PPM1H: variants seen among roughly 807,000 people sequenced by gnomAD.
The protein encoded by PPM1H is protein phosphatase 1H.
PPM1H carries 27 observed loss-of-function variants against 54.9 expected under a neutral mutation model. The ratio of observed to expected loss-of-function variants is 0.49; its 90% CI spans 0.36 to 0.68. The LOEUF (loss-of-function observed/expected upper bound fraction) is 0.68. Among genes scored for constraint, PPM1H ranks in the 30% least tolerant of loss-of-function variants. PPM1H has a pLI of 0.00. For missense variants in PPM1H, 596 were observed against 667.8 expected (o/e 0.89, Z 1.19); for synonymous variants, 305 against 270.8 (o/e 1.13, Z -1.24).
chr12:62,667,774 G>T (rs2075928268), intron 8 of PPM1H, among the ~76,000 whole-genome samples: 1 of 152,158 alleles, frequency 6.6e-6, no homozygotes, highest in African/African-American at 2.4e-5. Context: ...TGATTTTTCT[G>T]CTTCAGAGGA....
In PPM1H at chr12:62,934,758, A is replaced by C. The variant is rs1872270298; in HGVS notation, c.-22T>G. On this transcript the variant is annotated 5_prime_UTR_variant, in exon 1 of 10. Coordinates refer to ENST00000228705, the MANE Select transcript of PPM1H (RefSeq NM_020700.2). This position sits in a 1 kb window ranked among gnomAD's most constrained non-coding sequence, Gnocchi z 4.2. ...GCATATTACTCCGGCGCCCGGCTGC[A>C]GCGGTGCGAGCAGGAGGCGGCGGGG... 2 of 1,503,110 alleles carry C rather than the reference A, an allele frequency of 1.3e-6. No individual in the cohort carries two copies. Among genetic ancestry groups the C allele is most frequent in the Non-Finnish European group, 1.8e-6 (2 of 1,121,556 alleles). The allele number at this position is 1,503,110 out of a possible 1,614,324, so 93.1% of individuals were successfully genotyped here.
At chr12:62,916,461 A>G (rs1375748198) in intron 1 of PPM1H, among the ~76,000 whole-genome samples, 2 of 152,210 alleles carry the variant, frequency 1.3e-5, no homozygotes, top group Admixed American at 1.3e-4. Context: ...TTAAGTCTAT[A>G]AGTACCTAAC....
chr12:62,683,032 A>ATTT (rs201636860), intron 8 of PPM1H, among the ~76,000 whole-genome samples: 5,454 of 126,312 alleles, frequency 0.043, 127 homozygotes, highest in Non-Finnish European at 0.056. Context: ...AGAGTTTATT[A>ATTT]TTTATTATTA....
chr12:62,666,308 C>T (rs2075917394), intron 9 of PPM1H, among the ~76,000 whole-genome samples: 1 of 152,124 alleles, frequency 6.6e-6, no homozygotes, highest in Non-Finnish European at 1.5e-5. Context: ...ATTCTGATGC[C>T]TCTGTTATTC....
chr12:62,718,749 T>A (rs1212300691), intron 6 of PPM1H, among the ~76,000 whole-genome samples: 1 of 152,248 alleles, frequency 6.6e-6, no homozygotes, highest in Admixed American at 6.5e-5. Flanking sequence ...ACTTTTCCTG[T>A]ACAAGTGCTG....
intron 5 of PPM1H, among the ~76,000 whole-genome samples, chr12:62,736,770 A>T (rs1008635610): frequency 1.3e-5 from 2 of 152,200 alleles, no homozygotes; most frequent in Non-Finnish European, 1.5e-5. Flanking sequence ...CATCCACAGA[A>T]CTATGATTCA....
At chr12:62,719,683 G>C (rs1272043895) in intron 6 of PPM1H, among the ~76,000 whole-genome samples, 3 of 152,110 alleles carry the variant, frequency 2.0e-5, no homozygotes, top group African/African-American at 7.2e-5. Context: ...CTTTAGCCTT[G>C]ATAATGAATC....
At chr12:62,860,650 C>A (rs974134047) in intron 1 of PPM1H, among the ~76,000 whole-genome samples, 1 of 152,162 alleles carries the variant, frequency 6.6e-6, no homozygotes, top group South Asian at 2.1e-4. Flanking sequence ...CGTACTGAAT[C>A]CCTGACGCAT....
At chr12:62,689,429 T>G (rs1279401633) in intron 8 of PPM1H, among the ~76,000 whole-genome samples, 2 of 152,000 alleles carry the variant, frequency 1.3e-5, no homozygotes, top group Admixed American at 1.3e-4. Flanking sequence ...TTAAGGAAAA[T>G]TTACCTGACT....
At chr12:62,896,682 G>A (rs1270208624) in intron 1 of PPM1H, among the ~76,000 whole-genome samples, 1 of 152,222 alleles carries the variant, frequency 6.6e-6, no homozygotes, top group Non-Finnish European at 1.5e-5. Context: ...CATTGTGGAA[G>A]ACAGTGTGGC....
intron 7 of PPM1H, among the ~76,000 whole-genome samples, chr12:62,692,194 G>A (rs1413131423): frequency 6.6e-6 from 1 of 152,164 alleles, no homozygotes; most frequent in Non-Finnish European, 1.5e-5. Context: ...AGAACTCATG[G>A]AGTCCTCAGA....
At chr12:62,819,113 C>T (rs534288988) in intron 2 of PPM1H, among the ~76,000 whole-genome samples, 18 of 133,534 alleles carry the variant, frequency 1.3e-4, no homozygotes, top group African/African-American at 4.0e-4. Context: ...TGAGCCACTG[C>T]GCCGGCCAAA....
intron 2 of PPM1H, among the ~76,000 whole-genome samples, chr12:62,830,266 A>T (rs1218350051): frequency 6.6e-6 from 1 of 151,382 alleles, no homozygotes; most frequent in African/African-American, 2.4e-5. Context: ...TATTTATTTA[A>T]TTTTTTTGAG....
intron 1 of PPM1H, among the ~76,000 whole-genome samples, chr12:62,840,901 A>G (rs1868720430): frequency 1.3e-5 from 2 of 152,146 alleles, no homozygotes; most frequent in South Asian, 2.1e-4. Context: ...TGACAAAGGA[A>G]GAACTCAGGC....
At chr12:62,806,786 T>A (rs1478089505) in intron 2 of PPM1H, among the ~76,000 whole-genome samples, 1 of 152,224 alleles carries the variant, frequency 6.6e-6, no homozygotes, top group Non-Finnish European at 1.5e-5. Context: ...TAAACCTCTT[T>A]TCTTTATAAA....
intron 9 of PPM1H, among the ~76,000 whole-genome samples, chr12:62,660,593 G>A (rs2075877161): frequency 6.6e-6 from 1 of 152,146 alleles, no homozygotes; most frequent in African/African-American, 2.4e-5. Flanking sequence ...TTGGGGAAAG[G>A]ACAGTCTCTT....
intron 1 of PPM1H, among the ~76,000 whole-genome samples, chr12:62,873,780 T>C (rs1189795271): frequency 1.3e-5 from 2 of 152,162 alleles, no homozygotes; most frequent in Non-Finnish European, 2.9e-5. Flanking sequence ...GCCCTATAAA[T>C]TTGCCAGTTT....
intron 1 of PPM1H, among the ~76,000 whole-genome samples, chr12:62,836,419 A>G (rs1049187827): frequency 6.6e-6 from 1 of 152,236 alleles, no homozygotes; most frequent in African/African-American, 2.4e-5. Flanking sequence ...ACTATGTATG[A>G]GCCAGAGACT....
intron 4 of PPM1H, chr12:62,755,975 GA>G: frequency 8.4e-7 from 1 of 1,186,686 alleles, no homozygotes; most frequent in Non-Finnish European, 1.2e-6. Context: ...CTGCTGTCTG[GA>G]AAAACTGCCA....
Sources: allele counts gnomAD v4.1 joint callset (sites outside exome capture counted in the v4.1 genomes callset), GRCh38; gene constraint gnomAD v4.1.1; non-coding constraint Gnocchi (gnomAD v3.1); transcripts MANE v1.5; gene names NCBI Gene and HGNC (gene_info 2026-07-23, HGNC 2026-07-21).